SLC2A5: variants seen among roughly 807,000 people sequenced by gnomAD.
SLC2A5 encodes solute carrier family 2, facilitated glucose transporter member 5.
SLC2A5 carries 56 observed loss-of-function variants against 50.3 expected under a neutral mutation model. The ratio of observed to expected loss-of-function variants is 1.11; its 90% confidence interval spans 0.90 to 1.39. The LOEUF is 1.39. SLC2A5 is among the 40% of genes most tolerant of loss of function. The probability of loss-of-function intolerance (pLI) is 0.00; values close to 1 mark genes in which losing one functional copy is unlikely to be tolerated. For synonymous variants in SLC2A5, 269 were observed against 281.9 expected (o/e 0.95, Z 0.46); for missense variants, 566 against 650.1 (o/e 0.87, Z 1.41).
intron 1 of SLC2A5, 38 bp from the exon 2 acceptor site, chr1:9,058,288 G>C: frequency 7.0e-7 from 1 of 1,428,654 alleles, no homozygotes; most frequent in Admixed American, 1.7e-5. Flanking sequence ...AGCAGCCCCA[G>C]GGTTCCAGGG....
chr1:9,038,103 G>T (rs1641184543), intron 10 of SLC2A5, 79 bp from the exon 11 acceptor site: 1 of 1,535,938 alleles, frequency 6.5e-7, no homozygotes, highest in Admixed American at 1.9e-5. Flanking sequence ...GACCCACCAG[G>T]TAGCTGGCCC....
At chr1:9,078,714 TG>T (rs1431709942) in intron 2 of SLC2A5, among the ~76,000 whole-genome samples, 6 of 151,894 alleles carry the variant, frequency 4.0e-5, no homozygotes, top group African/African-American at 1.5e-4. Context: ...CTGAAGAAAA[TG>T]GGTGAGGCAG....
chr1:9,063,538 A>T (rs12081514), intron 1 of SLC2A5, among the ~76,000 whole-genome samples: 3,466 of 149,254 alleles, frequency 0.023, 138 homozygotes, highest in African/African-American at 0.081. Context: ...ACGCCTGGCT[A>T]ATTTTTGTAT....
Position 9,040,170 on chromosome 1 carries a change from C to T in SLC2A5, c.591G>A (p.Gly197=). ...ANVDGWPILL[G]LTGVPAALQL... ...GCAGCGCCGCGGGGACCCCGGTCAG[C>T]CCCAGCAGGATCGGCCAGCCTGGGA... Residue 197 remains glycine, a synonymous_variant, in exon 6 of 12, where the codon GGG becomes GGA. Coordinates refer to ENST00000377424, the MANE Select transcript of SLC2A5 (RefSeq NM_003039.3). This position sits in a 1 kb window ranked among gnomAD's most constrained non-coding sequence, Gnocchi z 4.3. The T allele has an allele frequency of 6.4e-7, 1 of 1,553,848 alleles. No homozygotes were observed. The highest frequency in any genetic ancestry group is 8.7e-7 in the Non-Finnish European group (1 of 1,149,904).
intron 1 of SLC2A5, 49 bp from the exon 2 acceptor site, chr1:9,058,299 C>T: frequency 7.6e-7 from 1 of 1,311,108 alleles, no homozygotes; most frequent in Non-Finnish European, 1.1e-6. Context: ...GGTTCCAGGG[C>T]CCTCCCGCTT....
intron 8 of SLC2A5, among the ~76,000 whole-genome samples, 164 bp from the exon 9 acceptor site, chr1:9,039,093 G>A (rs543404353): frequency 6.6e-6 from 1 of 152,376 alleles, no homozygotes; most frequent in Admixed American, 6.5e-5. Flanking sequence ...GCAGCCAGCG[G>A]GAAGTCGGCT....
Position 9,040,445 on chromosome 1 carries a change from A to G in SLC2A5, c.572-256T>C. The stretch of plus-strand genomic sequence containing the variant: ...GCCGGTAATACCATGTGCTGGTGAG[A>G]ACGTCCCCGTGTCCTTCAGAGGACA... On this transcript the variant is annotated intron_variant, in intron 5 of 11. Coordinates refer to ENST00000377424, the MANE Select transcript of SLC2A5 (RefSeq NM_003039.3). This position sits in a 1 kb window ranked among gnomAD's most constrained non-coding sequence, Gnocchi z 4.3. 1 of 493,582 alleles carries G rather than the reference A, an allele frequency of 2.0e-6. No homozygotes were observed. Among genetic ancestry groups the G allele is most frequent in the Non-Finnish European group, 3.6e-6 (1 of 275,928 alleles). 30.6% of individuals were successfully genotyped at this position (493,582 alleles called of 1,614,324 possible). A position where few individuals can be genotyped will look rare whatever the true frequency, so the allele number is the denominator to read the frequency against.
chr1:9,077,314 G>A (rs1184669561), intron 2 of SLC2A5, among the ~76,000 whole-genome samples: 1 of 150,820 alleles, frequency 6.6e-6, no homozygotes, highest in Non-Finnish European at 1.5e-5. Flanking sequence ...TGGAAGGATT[G>A]CTTGAGCCTG....
chr1:9,045,985 GTC>G (rs773917975), intron 4 of SLC2A5, among the ~76,000 whole-genome samples: 2 of 151,828 alleles, frequency 1.3e-5, no homozygotes, highest in African/African-American at 4.8e-5. Context: ...GCATGACTTA[GTC>G]TCTGTTTGGG....
At chr1:9,093,027 A>G (rs539936703), upstream of SLC2A5, among the ~76,000 whole-genome samples, 56 of 152,032 alleles carry the variant, frequency 3.7e-4, 1 homozygote, top group South Asian at 0.012. Flanking sequence ...CTTTTGCTGC[A>G]CCTCAGGGTC....
chr1:9,040,198 A>G lies in SLC2A5; in HGVS notation c.572-9T>C. On this transcript the variant is annotated splice_polypyrimidine_tract_variant and intron_variant, in intron 5 of 11. Coordinates refer to ENST00000377424, the MANE Select transcript of SLC2A5 (RefSeq NM_003039.3). This position sits in a 1 kb window ranked among gnomAD's most constrained non-coding sequence, Gnocchi z 4.3. ...CAGCAGGATCGGCCAGCCTGGGAGG[A>G]AGGCAGCGAGCTGGCACCAGCGGCC... 6.5e-7 allele frequency: 1 copy of G among 1,546,498 alleles called. No individual in the cohort carries two copies. The highest frequency in any genetic ancestry group is 8.7e-7 in the Non-Finnish European group (1 of 1,146,826).
chr1:9,076,258 AT>A lies in SLC2A5; in HGVS notation c.-58-6665del, dbSNP rs779189174. On this transcript the variant is annotated intron_variant, in intron 2 of 5. Transcript: ENST00000464985. ...GGCGTGAGCCACTGCACCTGGCCGG[AT>A]TTTCAATTTTGATGAAACAGCTCTA... 4.9e-3 allele frequency among the ~76,000 whole-genome samples: 748 copies of A among 152,108 alleles called. 11 individuals are homozygous for A. Among genetic ancestry groups the A allele is most frequent in the Non-Finnish European group, 7.7e-3 (522 of 67,982 alleles).
intron 1 of SLC2A5, among the ~76,000 whole-genome samples, chr1:9,060,119 T>C (rs200120147): frequency 5.4e-5 from 7 of 129,388 alleles, no homozygotes; most frequent in South Asian, 2.5e-4. Context: ...ACACACACTA[T>C]ACACACACAC....
At chr1:9,075,807 C>A (rs1163214183) in intron 2 of SLC2A5, among the ~76,000 whole-genome samples, 1 of 152,010 alleles carries the variant, frequency 6.6e-6, no homozygotes, top group African/African-American at 2.4e-5. Context: ...ATTACAGGCA[C>A]CTGCCACCAT....
Position 9,040,205 on chromosome 1 carries a change from C to G in SLC2A5, c.572-16G>C, listed in dbSNP as rs765129424. On this transcript the variant is annotated splice_polypyrimidine_tract_variant and intron_variant, in intron 5 of 11. Transcript: ENST00000377424. This position sits in a 1 kb window ranked among gnomAD's most constrained non-coding sequence, Gnocchi z 4.3. ...ATCGGCCAGCCTGGGAGGAAGGCAG[C>G]GAGCTGGCACCAGCGGCCTCCCCAC... 1 of 1,544,552 alleles carries G rather than the reference C, an allele frequency of 6.5e-7. No individual in the cohort carries two copies. Among genetic ancestry groups the G allele is most frequent in the South Asian group, 1.2e-5 (1 of 83,934 alleles).
chr1:9,069,751 T>C (rs1171785761), upstream of SLC2A5: 1 of 594,848 alleles, frequency 1.7e-6, no homozygotes, highest in African/African-American at 1.9e-5. Flanking sequence ...TTTGGCTAAG[T>C]AAGTGGGTGC....
chr1:9,081,106 A>C (rs1029425313), intron 2 of SLC2A5, among the ~76,000 whole-genome samples: 6 of 152,068 alleles, frequency 3.9e-5, no homozygotes, highest in African/African-American at 7.2e-5. Context: ...AACAAACAAA[A>C]AAAATTAGCT....
At chr1:9,069,293 G>A (rs1251407542) in intron 1 of SLC2A5, among the ~76,000 whole-genome samples, 2 of 152,186 alleles carry the variant, frequency 1.3e-5, no homozygotes, top group African/African-American at 2.4e-5. Context: ...CCAGTAGAAT[G>A]ATTTCCACAG....
intron 8 of SLC2A5, 97 bp from the exon 9 acceptor site, chr1:9,039,026 G>A (rs1462721681): frequency 1.5e-5 from 21 of 1,414,386 alleles, no homozygotes; most frequent in Non-Finnish European, 1.8e-5. Context: ...TGGGCGGACC[G>A]GGTGCCCACC....
Sources: gnomAD v4.1 joint callset for allele counts (sites outside exome capture counted in the v4.1 genomes callset) on GRCh38, gnomAD v4.1.1 for gene constraint, Gnocchi (gnomAD v3.1) non-coding constraint, MANE v1.5 for transcripts, NCBI Gene and HGNC (gene_info 2026-07-23, HGNC 2026-07-21) for gene names.